The following MARCHF1 variants were observed in gnomAD, a reference collection of about 807,000 sequenced individuals.
MARCHF1 encodes membrane associated ring-CH-type finger 1, also known as E3 ubiquitin-protein ligase MARCHF1.
A neutral mutation model predicts 54.2 loss-of-function variants in MARCHF1; 40 were observed. The observed-to-expected ratio is 0.74, with a 90% CI of 0.57 to 0.96. The LOEUF is 0.96. Ranked by LOEUF, MARCHF1 falls within the 40% of genes least tolerant of loss-of-function variation. MARCHF1 has a pLI of 0.00. For synonymous variants in MARCHF1, 236 were observed against 236.3 expected, an observed-to-expected ratio of 1.00 and a Z score of 0.01; for missense variants, 586 against 656.5, an observed-to-expected ratio of 0.89 and a Z score of 1.17.
chr4:164,195,961 A>C (rs1430973), intron 1 of MARCHF1, among the ~76,000 whole-genome samples: 24,758 of 151,504 alleles, frequency 0.16, 2,882 homozygotes, highest in African/African-American at 0.32. Context: ...TAAAAACAAA[A>C]ATTAATGCAG....
At chr4:164,329,062 T>C (rs1735358091) in intron 1 of MARCHF1, among the ~76,000 whole-genome samples, 1 of 152,190 alleles carries the variant, frequency 6.6e-6, no homozygotes, top group African/African-American at 2.4e-5. Context: ...CCCTCAATAT[T>C]CTACATCTCG....
chr4:163,578,049 C>A (rs1016161415), intron 8 of MARCHF1, among the ~76,000 whole-genome samples: 1 of 151,674 alleles, frequency 6.6e-6, no homozygotes, highest in Non-Finnish European at 1.5e-5. Flanking sequence ...ATGCTTCTGA[C>A]TTCTGCACAC....
chr4:163,870,681 C>T (rs187205041), intron 3 of MARCHF1, among the ~76,000 whole-genome samples: 9 of 151,828 alleles, frequency 5.9e-5, no homozygotes, highest in East Asian at 1.9e-4. Flanking sequence ...TCCTGTCATT[C>T]GCAAAAAAAT....
intron 1 of MARCHF1, among the ~76,000 whole-genome samples, chr4:164,223,395 A>C (rs1732166357): frequency 6.6e-6 from 1 of 152,034 alleles, no homozygotes; most frequent in Non-Finnish European, 1.5e-5. Flanking sequence ...GGCTGTTAAT[A>C]GTAAATTTTG....
intron 3 of MARCHF1, among the ~76,000 whole-genome samples, chr4:163,948,387 C>T (rs6826991): frequency 0.53 from 80,371 of 152,068 alleles, 22,870 homozygotes; most frequent in Middle Eastern, 0.67. Flanking sequence ...TAATCTTCTA[C>T]GCATTTACTA....
Position 164,082,784 on chromosome 4 carries a change from C to A in MARCHF1, c.-248+28804G>T, listed in dbSNP as rs190935971. Among the ~76,000 whole-genome samples, 410 of 152,280 alleles carry A rather than the reference C, an allele frequency of 2.7e-3. 9 individuals carry two copies. The highest frequency in any genetic ancestry group is 1.4e-3 in the Non-Finnish European group (92 of 68,012). ...TCCTGAAATTAACCATATTTAGTGC[C>A]TTCATCCTAACTTGCAATCCATTTT... On this transcript the variant is annotated intron_variant, in intron 2 of 9. Coordinates refer to ENST00000514618, the MANE Select transcript of MARCHF1 (RefSeq NM_001394959.1).
chr4:163,921,381 A>G (rs71614781), intron 3 of MARCHF1, among the ~76,000 whole-genome samples: 18,263 of 151,982 alleles, frequency 0.12, 1,295 homozygotes, highest in Middle Eastern at 0.27. Context: ...CATCACTTCA[A>G]AAAAAAGAAG....
chr4:163,672,660 T>A (rs1264849463), intron 5 of MARCHF1, among the ~76,000 whole-genome samples: 3 of 152,196 alleles, frequency 2.0e-5, no homozygotes, highest in African/African-American at 7.2e-5. Flanking sequence ...AAACTATATT[T>A]TCCTATTACT....
chr4:163,994,803 T>TG (rs5863647), intron 2 of MARCHF1, among the ~76,000 whole-genome samples: 141,300 of 149,002 alleles, frequency 0.95, 67,451 homozygotes, highest in South Asian at 1. Context: ...ACAAAACAAA[T>TG]GCATTATTTT....
intron 4 of MARCHF1, among the ~76,000 whole-genome samples, chr4:163,717,848 G>GT (rs1012599498): frequency 1.2e-4 from 18 of 152,094 alleles, no homozygotes; most frequent in Admixed American, 3.3e-4. Context: ...GGGGTTGTCT[G>GT]TTTTTTTCTT....
At chr4:163,552,949 C>T (rs977790645) in intron 8 of MARCHF1, among the ~76,000 whole-genome samples, 2 of 150,540 alleles carry the variant, frequency 1.3e-5, no homozygotes, top group African/African-American at 4.9e-5. Flanking sequence ...AGGAGAATGG[C>T]TTGAACCCGG....
At chr4:163,950,437 C>T (rs894353960) in intron 3 of MARCHF1, among the ~76,000 whole-genome samples, 1 of 152,218 alleles carries the variant, frequency 6.6e-6, no homozygotes, top group African/African-American at 2.4e-5. Flanking sequence ...TGGGGAGAGG[C>T]CAGGCATCAG....
intron 8 of MARCHF1, among the ~76,000 whole-genome samples, chr4:163,558,390 T>A (rs1579061798): frequency 6.6e-6 from 1 of 150,990 alleles, no homozygotes; most frequent in South Asian, 2.1e-4. Context: ...GTAGGAAGAG[T>A]TTTTCTGTTG....
intron 4 of MARCHF1, among the ~76,000 whole-genome samples, chr4:163,785,625 T>A (rs1464900119): frequency 1.3e-5 from 2 of 151,974 alleles, no homozygotes; most frequent in Non-Finnish European, 2.9e-5. Flanking sequence ...GGAATAAAAG[T>A]TAAGATTCCA....
intron 1 of MARCHF1, among the ~76,000 whole-genome samples, chr4:164,303,379 G>A (rs560687855): frequency 6.6e-6 from 1 of 152,292 alleles, no homozygotes; most frequent in African/African-American, 2.4e-5. Context: ...TGGTGGGGAA[G>A]AACACTTAGC....
At chr4:163,682,417 C>T (rs377218926) in intron 5 of MARCHF1, among the ~76,000 whole-genome samples, 33 of 152,286 alleles carry the variant, frequency 2.2e-4, no homozygotes, top group African/African-American at 6.3e-4. Context: ...CTCTAGGGCA[C>T]GGCAGAGACC....
At chr4:164,376,067 G>T (rs1299796657) in intron 1 of MARCHF1, among the ~76,000 whole-genome samples, 1 of 152,078 alleles carries the variant, frequency 6.6e-6, no homozygotes, top group Non-Finnish European at 1.5e-5. Flanking sequence ...GAAATAAAAA[G>T]CTCCAAAGAG....
At chr4:163,912,584 T>C (rs1751217837) in intron 3 of MARCHF1, among the ~76,000 whole-genome samples, 1 of 152,210 alleles carries the variant, frequency 6.6e-6, no homozygotes, top group East Asian at 1.9e-4. Context: ...TTGATTGTTT[T>C]CACCATTTTC....
chr4:163,822,951 C>T (rs1748736177), intron 4 of MARCHF1, among the ~76,000 whole-genome samples: 1 of 151,854 alleles, frequency 6.6e-6, no homozygotes, highest in East Asian at 1.9e-4. Context: ...GACTCTAAGA[C>T]CATAGCAGCT....
Sources: gnomAD v4.1 joint callset for allele counts (sites outside exome capture counted in the v4.1 genomes callset) on GRCh38, gnomAD v4.1.1 for gene constraint, MANE v1.5 for transcripts, NCBI Gene and HGNC (gene_info 2026-07-23, HGNC 2026-07-21) for gene names.